ROBO1: variants seen among roughly 807,000 people sequenced by gnomAD.
ROBO1 encodes the protein roundabout guidance receptor 1, also known as roundabout homolog 1.
ROBO1 carries 149 observed loss-of-function variants against 195.9 expected under a neutral mutation model. That is an observed-to-expected ratio of 0.76 (90% CI 0.67 to 0.87). The LOEUF is 0.87. ROBO1 is among the 40% of genes least tolerant of loss of function. ROBO1 has a pLI of 0.00. For synonymous variants in ROBO1, 816 were observed against 733.2 expected (o/e 1.11, Z -1.82); for missense variants, 1,933 against 2,068.3 (o/e 0.93, Z 1.27).
intron 1 of ROBO1, among the ~76,000 whole-genome samples, chr3:79,640,488 C>A (rs1013696817): frequency 1.3e-5 from 2 of 152,176 alleles, no homozygotes; most frequent in Middle Eastern, 3.4e-3. Flanking sequence ...TAGACTAATA[C>A]ACTGCCCATG....
At chr3:78,772,768 T>A (rs1359598349) in intron 4 of ROBO1, among the ~76,000 whole-genome samples, 2 of 152,094 alleles carry the variant, frequency 1.3e-5, no homozygotes, top group Non-Finnish European at 1.5e-5. Context: ...AGAAGGTTTG[T>A]ATTAAGAATT....
chr3:78,914,299 C>T (rs915311720), intron 4 of ROBO1, among the ~76,000 whole-genome samples: 6 of 152,036 alleles, frequency 3.9e-5, no homozygotes, highest in Admixed American at 6.6e-5. Context: ...AGACAGTATA[C>T]GAGTTTACCA....
intron 2 of ROBO1, among the ~76,000 whole-genome samples, chr3:79,448,356 A>G (rs2039334779): frequency 1.3e-5 from 2 of 152,214 alleles, no homozygotes. Context: ...ATAGCACATA[A>G]TTCTCATCAC....
intron 2 of ROBO1, among the ~76,000 whole-genome samples, chr3:79,217,923 T>A (rs534309164): frequency 2.0e-5 from 3 of 152,012 alleles, no homozygotes; most frequent in African/African-American, 7.2e-5. Flanking sequence ...GGTAGCAAAG[T>A]ATACATACCC....
At chr3:79,312,503 A>G (rs1011033518) in intron 2 of ROBO1, among the ~76,000 whole-genome samples, 3 of 152,224 alleles carry the variant, frequency 2.0e-5, no homozygotes, top group African/African-American at 7.2e-5. Context: ...GAATAAATAT[A>G]TGAATGAAGC....
At chr3:79,671,268 A>G (rs1946623859) in intron 1 of ROBO1, among the ~76,000 whole-genome samples, 1 of 151,906 alleles carries the variant, frequency 6.6e-6, no homozygotes, top group Non-Finnish European at 1.5e-5. Context: ...CAAGGGAATC[A>G]AAGAAAATGT....
In ROBO1 at chr3:79,519,972, A is replaced by G. The variant is rs185774606; in HGVS notation, c.88+69852T>C. Among the ~76,000 whole-genome samples the G allele has an allele frequency of 5.3e-5, 8 of 152,162 alleles. No homozygotes were observed. In the East Asian group the frequency reaches 1.4e-3, roughly 26 times the overall value. On this transcript the variant is annotated intron_variant, in intron 2 of 30. Transcript: ENST00000464233. ...CTGGGAGTTTGAGACTATTCTGGGC[A>G]ATAGGAAAAGCCCCGCTGTGTAGAA...
intron 2 of ROBO1, among the ~76,000 whole-genome samples, chr3:79,362,249 GT>G (rs1226434442): frequency 1.3e-5 from 2 of 152,048 alleles, no homozygotes; most frequent in East Asian, 3.9e-4. Context: ...GCGACAACCA[GT>G]TTTTTAAAAA....
chr3:79,139,104 A>G (rs2080471550), intron 2 of ROBO1, among the ~76,000 whole-genome samples: 1 of 151,658 alleles, frequency 6.6e-6, no homozygotes, highest in South Asian at 2.1e-4. Context: ...AATAAAAGAT[A>G]CCTAATATAT....
At chr3:79,605,751 T>A (rs1944461045) in intron 1 of ROBO1, among the ~76,000 whole-genome samples, 1 of 151,972 alleles carries the variant, frequency 6.6e-6, no homozygotes, top group African/African-American at 2.4e-5. Flanking sequence ...TTATCAAATT[T>A]CCAAATTTCC....
chr3:78,888,636 C>G (rs1482213305), intron 4 of ROBO1, among the ~76,000 whole-genome samples: 2 of 152,140 alleles, frequency 1.3e-5, no homozygotes, highest in African/African-American at 4.8e-5. Context: ...TACCTTAAAA[C>G]AGTAGTTCTT....
intron 2 of ROBO1, among the ~76,000 whole-genome samples, chr3:79,420,802 T>C (rs994606771): frequency 2.0e-5 from 3 of 152,176 alleles, no homozygotes; most frequent in African/African-American, 7.2e-5. Context: ...GTTCAGCCAC[T>C]GTGGAAAGCA....
chr3:79,305,673 G>T (rs572813192), intron 2 of ROBO1, among the ~76,000 whole-genome samples: 1 of 152,064 alleles, frequency 6.6e-6, no homozygotes, highest in African/African-American at 2.4e-5. Flanking sequence ...CATGAAAAGA[G>T]GGATATTATT....
At chr3:78,877,076 G>C (rs1045733024) in intron 4 of ROBO1, among the ~76,000 whole-genome samples, 2 of 152,066 alleles carry the variant, frequency 1.3e-5, no homozygotes, top group African/African-American at 2.4e-5. Context: ...AACAGGGCCT[G>C]ACATGTAGTA....
At chr3:79,573,186 C>T in intron 2 of ROBO1, among the ~76,000 whole-genome samples, 1 of 152,078 alleles carries the variant, frequency 6.6e-6, no homozygotes, top group East Asian at 1.9e-4. Context: ...GTGGCTGGGA[C>T]TACAGGCATG....
chr3:78,839,369 C>T (rs888378283), intron 4 of ROBO1, among the ~76,000 whole-genome samples: 4 of 151,774 alleles, frequency 2.6e-5, no homozygotes, highest in Non-Finnish European at 5.9e-5. Flanking sequence ...AGGTGGCCTT[C>T]CCTAGTCCAG....
chr3:79,071,594 T>C (rs1192977226), intron 3 of ROBO1, among the ~76,000 whole-genome samples: 1 of 151,830 alleles, frequency 6.6e-6, no homozygotes, highest in East Asian at 1.9e-4. Flanking sequence ...TCTTTAATTA[T>C]GGGAGGTTCT....
At chr3:79,475,116 T>C (rs1938482254) in intron 2 of ROBO1, among the ~76,000 whole-genome samples, 1 of 151,902 alleles carries the variant, frequency 6.6e-6, no homozygotes, top group South Asian at 2.1e-4. Flanking sequence ...TCCAAAGGAA[T>C]GATAGTATTA....
chr3:79,439,596 A>AAAACTG (rs781517731), intron 2 of ROBO1, among the ~76,000 whole-genome samples: 13 of 152,130 alleles, frequency 8.5e-5, no homozygotes, highest in Non-Finnish European at 7.4e-5. Flanking sequence ...CATACACTAG[A>AAAACTG]AAACTGAAGA....
Sources: allele counts gnomAD v4.1 joint callset (sites outside exome capture counted in the v4.1 genomes callset), GRCh38; gene constraint gnomAD v4.1.1; transcripts MANE v1.5; gene names NCBI Gene and HGNC (gene_info 2026-07-23, HGNC 2026-07-21).